Variants in DBX2 observed in about 807,000 individuals in gnomAD.
The protein encoded by DBX2 is developing brain homeobox 2.
In DBX2, 16 loss-of-function variants were observed where a neutral mutation model predicts 17.7. The observed-to-expected ratio is 0.90, with a 90% CI of 0.61 to 1.37. The LOEUF (loss-of-function observed/expected upper bound fraction) is 1.37. Among genes scored for constraint, DBX2 ranks in the 40% most tolerant of loss-of-function variants. The pLI is 0.00. For synonymous variants in DBX2, 255 were observed against 183.8 expected, an observed-to-expected ratio of 1.39 and a Z score of -3.13; for missense variants, 538 against 433.8, an observed-to-expected ratio of 1.24 and a Z score of -2.13.
chr12:45,034,708 G>A (rs866735149), intron 2 of DBX2, among the ~76,000 whole-genome samples: 22 of 152,306 alleles, frequency 1.4e-4, no homozygotes, highest in African/African-American at 5.1e-4. Flanking sequence ...GAGCTAGAAT[G>A]AGTCTATAAA....
chr12:45,039,738 C>A (rs976816515), intron 1 of DBX2, among the ~76,000 whole-genome samples: 7 of 151,710 alleles, frequency 4.6e-5, no homozygotes, highest in African/African-American at 9.7e-5. Context: ...GAAAAAAGGA[C>A]GAGAAAAACA....
chr12:45,044,597 A>C (rs1305086812), intron 1 of DBX2, among the ~76,000 whole-genome samples: 2 of 152,192 alleles, frequency 1.3e-5, no homozygotes, highest in Non-Finnish European at 2.9e-5. Context: ...TTTATAAACA[A>C]GAAGGCATTA....
chr12:45,049,506 G>C (rs1946517639), intron 1 of DBX2, among the ~76,000 whole-genome samples: 1 of 152,060 alleles, frequency 6.6e-6, no homozygotes, highest in African/African-American at 2.4e-5. Context: ...GACCAAGACA[G>C]GTTCTAAACA....
At chr12:45,044,499 G>A (rs1439900293) in intron 1 of DBX2, among the ~76,000 whole-genome samples, 1 of 152,026 alleles carries the variant, frequency 6.6e-6, no homozygotes, top group Non-Finnish European at 1.5e-5. Flanking sequence ...TCTGATGGTC[G>A]CTTAGAGTTA....
intron 3 of DBX2, 101 bp from the exon 4 acceptor site, chr12:45,016,719 C>T: frequency 4.5e-6 from 5 of 1,122,716 alleles, no homozygotes; most frequent in South Asian, 2.4e-5. Flanking sequence ...TACAGAATAC[C>T]TTATTATGAC....
intron 2 of DBX2, among the ~76,000 whole-genome samples, chr12:45,033,491 C>A (rs1946420403): frequency 6.6e-6 from 1 of 151,906 alleles, no homozygotes; most frequent in East Asian, 1.9e-4. Context: ...CTAGTAAATG[C>A]CTTAAATTAA....
In DBX2 at chr12:45,014,699, A is replaced by G. The variant is rs191845352; in HGVS notation, c.*1587T>C. On this transcript the variant is annotated 3_prime_UTR_variant, in exon 4 of 4. Coordinates refer to ENST00000332700, the MANE Select transcript of DBX2 (RefSeq NM_001004329.3). ...ATTTTAAGACAGGTTTTAAATTTTA[A>G]CTTTTGTCAGCAGATCCCTGCTCCC... 45 of 152,278 alleles carry G rather than the reference A, an allele frequency of 3.0e-4. No homozygotes were observed. Among genetic ancestry groups the G allele is most frequent in the African/African-American group, 1.0e-3 (43 of 41,564 alleles). The allele number at this position is 152,278 out of a possible 1,614,324, so 9.4% of individuals were successfully genotyped here.
intron 1 of DBX2, among the ~76,000 whole-genome samples, chr12:45,046,547 A>C (rs1946501417): frequency 6.6e-6 from 1 of 152,148 alleles, no homozygotes; most frequent in Non-Finnish European, 1.5e-5. Flanking sequence ...TAAGATCACA[A>C]AGTCTTTACT....
chr12:45,033,348 G>A (rs1364672870), intron 2 of DBX2, among the ~76,000 whole-genome samples: 2 of 152,100 alleles, frequency 1.3e-5, no homozygotes. Context: ...CCTAATTTTG[G>A]CTGTCTGAGC....
At chr12:45,028,562 T>C (rs1946393680) in intron 2 of DBX2, among the ~76,000 whole-genome samples, 1 of 152,164 alleles carries the variant, frequency 6.6e-6, no homozygotes, top group African/African-American at 2.4e-5. Flanking sequence ...GTTTTCCTAA[T>C]AAGTTGTTTT....
Position 45,050,807 on chromosome 12 carries a change from C to G in DBX2, c.121G>C (p.Glu41Gln), listed in dbSNP as rs1305245518. Residue 41 changes from glutamate to glutamine, a missense_variant, in exon 1 of 4, where the codon GAG becomes CAG. By Grantham distance (29) the Glu-to-Gln change is conservative. Coordinates refer to ENST00000332700, the MANE Select transcript of DBX2 (RefSeq NM_001004329.3). The stretch of plus-strand genomic sequence containing the variant: ...GCGCCCCCGACCCGCAGCAAATTCT[C>G]GATCAGGAAACTCTTGCCCAGGTTG... ...FGNLGKSFLIENLLRVGGAPT... is the reference protein window; with the variant it reads ...FGNLGKSFLIQNLLRVGGAPT... 1 of 1,536,070 alleles carries G rather than the reference C, an allele frequency of 6.5e-7. No individual in the cohort carries two copies. Among genetic ancestry groups the G allele is most frequent in the Non-Finnish European group, 8.7e-7 (1 of 1,143,658 alleles).
chr12:45,021,496 TG>T (rs763927440), intron 3 of DBX2, among the ~76,000 whole-genome samples: 1 of 152,232 alleles, frequency 6.6e-6, no homozygotes, highest in Non-Finnish European at 1.5e-5. Context: ...CACTGTCAGA[TG>T]GAACTTAGCT....
intron 2 of DBX2, among the ~76,000 whole-genome samples, chr12:45,032,756 G>C (rs1946416944): frequency 6.6e-6 from 1 of 152,052 alleles, no homozygotes; most frequent in African/African-American, 2.4e-5. Context: ...TTTAACCTTT[G>C]TCTTTTAAGG....
At chr12:45,019,386 T>C (rs559125239) in intron 3 of DBX2, among the ~76,000 whole-genome samples, 8 of 152,212 alleles carry the variant, frequency 5.3e-5, no homozygotes, top group African/African-American at 1.9e-4. Flanking sequence ...TTCTGGTAGT[T>C]AGGAAAATTC....
At chr12:45,047,141 G>T (rs1026577386) in intron 1 of DBX2, among the ~76,000 whole-genome samples, 7 of 152,088 alleles carry the variant, frequency 4.6e-5, no homozygotes, top group African/African-American at 1.7e-4. Flanking sequence ...GTAGCCAGGA[G>T]AATTTAAATC....
intron 2 of DBX2, among the ~76,000 whole-genome samples, chr12:45,027,984 C>T (rs1034967461): frequency 2.6e-5 from 4 of 152,168 alleles, no homozygotes; most frequent in African/African-American, 7.2e-5. Context: ...GATAAGAAGC[C>T]GCTGAGTTAG....
intron 2 of DBX2, among the ~76,000 whole-genome samples, chr12:45,035,154 CAGCGATCTGAAT>C (rs1459727658): frequency 3.3e-5 from 5 of 152,266 alleles, no homozygotes; most frequent in African/African-American, 7.2e-5. Context: ...ACAGAGGCAG[CAGCGATCTGAAT>C]TCAACCGTGA....
chr12:45,022,313 T>G (rs1042791592), intron 3 of DBX2, among the ~76,000 whole-genome samples: 8 of 143,148 alleles, frequency 5.6e-5, no homozygotes, highest in Non-Finnish European at 9.1e-5. Context: ...TTTTTTTTTT[T>G]TTTTTTTTGA....
At chr12:45,038,843 A>G (rs1049797088) in intron 1 of DBX2, among the ~76,000 whole-genome samples, 1 of 152,032 alleles carries the variant, frequency 6.6e-6, no homozygotes, top group Admixed American at 6.5e-5. Flanking sequence ...AGTCTATTAT[A>G]TCTCTCTACA....
Sources: allele counts gnomAD v4.1 joint callset (sites outside exome capture counted in the v4.1 genomes callset), GRCh38; gene constraint gnomAD v4.1.1; transcripts MANE v1.5; gene names NCBI Gene and HGNC (gene_info 2026-07-23, HGNC 2026-07-21).